Variants in ELF1 observed in about 807,000 individuals in gnomAD.
ELF1 encodes E74 like ETS transcription factor 1, also known as ETS-related transcription factor Elf-1.
A neutral mutation model predicts 59.9 loss-of-function variants in ELF1; 24 were observed. That is an observed-to-expected ratio of 0.40 (90% CI 0.29 to 0.56). The LOEUF (loss-of-function observed/expected upper bound fraction) is 0.56. Ranked by LOEUF, ELF1 falls within the 20% of genes least tolerant of loss-of-function variation. The pLI is 0.44. For missense variants in ELF1, 627 were observed against 742.2 expected (o/e 0.84, Z 1.80); for synonymous variants, 248 against 266.2 (o/e 0.93, Z 0.67).
intron 8 of ELF1, among the ~76,000 whole-genome samples, chr13:40,937,239 G>A (rs1025974515): frequency 3.9e-5 from 6 of 152,116 alleles, no homozygotes; most frequent in African/African-American, 1.4e-4. Flanking sequence ...TAAGCTGCTT[G>A]TAAACAACTG....
intron 1 of ELF1, among the ~76,000 whole-genome samples, chr13:41,001,273 C>T (rs2138335092): frequency 6.6e-6 from 1 of 152,114 alleles, no homozygotes; most frequent in East Asian, 1.9e-4. Context: ...CTGTGCCTGG[C>T]CAACATTTTT....
At chr13:40,962,742 G>A (rs1249044611) in intron 2 of ELF1, among the ~76,000 whole-genome samples, 1 of 151,682 alleles carries the variant, frequency 6.6e-6, no homozygotes, top group Non-Finnish European at 1.5e-5. Flanking sequence ...GATTTAGAAG[G>A]CAGCCACATG....
intron 1 of ELF1, among the ~76,000 whole-genome samples, chr13:41,050,595 C>T (rs923035169): frequency 7.9e-5 from 12 of 152,234 alleles, no homozygotes; most frequent in Middle Eastern, 3.4e-3. Flanking sequence ...CTCGCTCTGT[C>T]ACCCAGTCTG....
At position 41,056,138 on chromosome 13, in the gene ELF1, C is replaced by T. The variant is rs74046974; in HGVS notation, c.-229+4700G>A. On this transcript the variant is annotated intron_variant, in intron 1 of 1. Transcript: ENST00000405737. ...AGGACTTTCAATCACCCTAAATTTA[C>T]TATCCACATTGGCAGTCACCTCACC... is the stretch of plus-strand genomic sequence containing the variant. Among the ~76,000 whole-genome samples the T allele has an allele frequency of 3.8e-3, 583 of 152,304 alleles. 3 individuals carry two copies. The highest frequency in any genetic ancestry group is 0.014 in the African/African-American group (562 of 41,570).
At chr13:41,004,885 C>T (rs141873793) in intron 1 of ELF1, among the ~76,000 whole-genome samples, 1 of 152,052 alleles carries the variant, frequency 6.6e-6, no homozygotes, top group East Asian at 1.9e-4. Flanking sequence ...CCATATAATA[C>T]CAAACAAGCC....
chr13:41,011,464 G>A (rs1006818210), intron 1 of ELF1, among the ~76,000 whole-genome samples: 12 of 151,780 alleles, frequency 7.9e-5, no homozygotes, highest in African/African-American at 2.9e-4. Context: ...TTTTTTTTGA[G>A]ACAAGGTCTT....
intron 1 of ELF1, among the ~76,000 whole-genome samples, chr13:41,027,772 T>A (rs1026249262): frequency 1.3e-5 from 2 of 152,178 alleles, no homozygotes; most frequent in African/African-American, 2.4e-5. Flanking sequence ...GTCACAAAAG[T>A]GGGGTAATGG....
chr13:40,973,222 G>A (rs1444377141), intron 2 of ELF1, among the ~76,000 whole-genome samples: 6 of 152,046 alleles, frequency 3.9e-5, no homozygotes, highest in Admixed American at 6.5e-5. Context: ...TCCTGGTCTC[G>A]TATCTTCAGT....
upstream of ELF1, chr13:41,019,469 G>A (rs1411270184): frequency 3.5e-6 from 3 of 862,588 alleles, no homozygotes; most frequent in South Asian, 1.6e-4. Context: ...TGGGGATGAA[G>A]AGGCAAGGAG....
intron 1 of ELF1, among the ~76,000 whole-genome samples, chr13:41,042,424 T>C (rs1876655515): frequency 6.6e-6 from 1 of 152,116 alleles, no homozygotes; most frequent in Admixed American, 6.5e-5. Context: ...TCGTCATTTA[T>C]ATTTGGCATA....
At chr13:41,016,276 G>C (rs967415958) in intron 1 of ELF1, among the ~76,000 whole-genome samples, 7 of 152,052 alleles carry the variant, frequency 4.6e-5, no homozygotes, top group Admixed American at 4.6e-4. Flanking sequence ...ATTGAGTTAG[G>C]GCACTCAGAA....
chr13:41,024,190 G>T (rs1443192297), upstream of ELF1, among the ~76,000 whole-genome samples: 2 of 152,126 alleles, frequency 1.3e-5, no homozygotes, highest in African/African-American at 4.8e-5. Context: ...CTGTAACCAG[G>T]AATGTACCCC....
rs74047251 is a variant in ELF1 at position 40,966,532 on chromosome 13, C to T, written c.73-7516G>A. ...CATCAAGTTAAAAAGAGAAGGAAAG[C>T]GACCAATGTAAGCAGGACATTATGT... On this transcript the variant is annotated intron_variant, in intron 2 of 8. Coordinates refer to ENST00000239882, the MANE Select transcript of ELF1 (RefSeq NM_172373.4). Among the ~76,000 whole-genome samples, 1,024 of 152,300 alleles carry T rather than the reference C, an allele frequency of 6.7e-3. 8 individuals carry two copies. The highest frequency in any genetic ancestry group is 0.024 in the African/African-American group (977 of 41,558).
chr13:40,958,785 C>T, intron 3 of ELF1, 51 bp downstream of exon 3: 3 of 1,536,382 alleles, frequency 2.0e-6, no homozygotes, highest in South Asian at 2.6e-5. Context: ...GATTAGGACA[C>T]TGCCTAAAGC....
In ELF1 at chr13:41,060,914, T is replaced by TGCCGCC. The variant is rs60249003; in HGVS notation, c.-311_-306dup. On this transcript the variant is annotated 5_prime_UTR_variant, in exon 1 of 2. Transcript: ENST00000405737. ...GCCTCTGCGCTACTGAAGCTGCTGC[T>TGCCGCC]GCCGCCGCCGCCGCCGCCGCCGCCG... 0.011 allele frequency: 3,832 copies of TGCCGCC among 344,852 alleles called. 946 individuals carry two copies. The East Asian group carries it at 0.13, about 12-fold the overall frequency. 21.4% of individuals were successfully genotyped at this position (344,852 alleles called of 1,614,324 possible).
At chr13:41,016,914 C>CAAAAA (rs1164306892) in intron 1 of ELF1, among the ~76,000 whole-genome samples, 4 of 12,908 alleles carry the variant, frequency 3.1e-4, no homozygotes, top group Admixed American at 1.7e-3. Context: ...AACTCCGTCT[C>CAAAAA]AAAAAAAAAA....
intron 3 of ELF1, among the ~76,000 whole-genome samples, chr13:40,952,948 T>C (rs1190699598): frequency 6.6e-6 from 1 of 151,624 alleles, no homozygotes; most frequent in Admixed American, 6.6e-5. Flanking sequence ...ACAATACTAC[T>C]ATCATATCTT....
At chr13:40,938,300 T>G (rs1369515553) in intron 8 of ELF1, among the ~76,000 whole-genome samples, 1 of 152,340 alleles carries the variant, frequency 6.6e-6, no homozygotes, top group African/African-American at 2.4e-5. Context: ...GGCTTCTTTT[T>G]GTAAATTTGT....
intron 2 of ELF1, among the ~76,000 whole-genome samples, chr13:40,975,381 ATTTT>A (rs993878813): frequency 6.6e-6 from 1 of 150,412 alleles, no homozygotes; most frequent in Non-Finnish European, 1.5e-5. Flanking sequence ...AGTTTCTCTG[ATTTT>A]TTTTTTGAAA....
Sources: gnomAD v4.1 joint callset for allele counts (sites outside exome capture counted in the v4.1 genomes callset) on GRCh38, gnomAD v4.1.1 for gene constraint, MANE v1.5 for transcripts, NCBI Gene and HGNC (gene_info 2026-07-23, HGNC 2026-07-21) for gene names.